SPAG16: variants seen among roughly 807,000 people sequenced by gnomAD.
SPAG16 encodes the protein sperm associated antigen 16, also known as sperm-associated antigen 16 protein.
Under a neutral mutation model 80.4 loss-of-function variants are expected in SPAG16, and 86 were observed. That is an observed-to-expected ratio of 1.07 (90% CI 0.90 to 1.28). The LOEUF (loss-of-function observed/expected upper bound fraction) is 1.28, where lower values mean the gene tolerates loss of function less well. SPAG16 is among the 50% of genes most tolerant of loss of function. The pLI, the probability that SPAG16 is intolerant of heterozygous loss-of-function variation, is 0.00. For missense variants in SPAG16, 870 were observed against 765.3 expected, an observed-to-expected ratio of 1.14 and a Z score of -1.61; for synonymous variants, 294 against 265.9, an observed-to-expected ratio of 1.11 and a Z score of -1.03.
chr2:213,362,616 C>G (rs180892654), intron 7 of SPAG16, among the ~76,000 whole-genome samples: 36 of 152,246 alleles, frequency 2.4e-4, no homozygotes, highest in Non-Finnish European at 4.6e-4. Context: ...GATCTTCTTG[C>G]AAATCCATAA....
chr2:213,450,951 T>A (rs2071648437), intron 9 of SPAG16, among the ~76,000 whole-genome samples: 1 of 152,170 alleles, frequency 6.6e-6, no homozygotes, highest in Non-Finnish European at 1.5e-5. Flanking sequence ...TGTTTTGGAA[T>A]TAATTAAAAC....
At chr2:214,356,212 GA>G (rs1012677416) in intron 15 of SPAG16, among the ~76,000 whole-genome samples, 3 of 149,654 alleles carry the variant, frequency 2.0e-5, no homozygotes, top group Admixed American at 6.7e-5. Flanking sequence ...TAAAAAATGA[GA>G]AAAAAATAAA....
rs367605793 is a variant in SPAG16 at position 213,931,155 on chromosome 2, T to C, written c.1400+1010T>C. ...TATTCAGTTTTTACCATCCTGCATG[T>C]GAAATTATTATTGTTACAATGATAG... On this transcript the variant is annotated intron_variant, in intron 12 of 15. Coordinates refer to ENST00000331683, the MANE Select transcript of SPAG16 (RefSeq NM_024532.5). Among the ~76,000 whole-genome samples, 21 of 152,338 alleles carry C rather than the reference T, an allele frequency of 1.4e-4. No homozygotes were observed. The East Asian group carries it at 3.3e-3, about 24-fold the overall frequency.
intron 5 of SPAG16, among the ~76,000 whole-genome samples, chr2:213,327,846 T>C (rs1247794666): frequency 6.6e-6 from 1 of 152,150 alleles, no homozygotes; most frequent in Non-Finnish European, 1.5e-5. Context: ...TGTTTTACTA[T>C]ACTGAATAGC....
intron 10 of SPAG16, among the ~76,000 whole-genome samples, chr2:213,759,479 C>A (rs1352624479): frequency 6.6e-6 from 1 of 151,308 alleles, no homozygotes. Context: ...TTTGTGACAT[C>A]AAAAATTGAG....
chr2:213,841,947 GAT>G (rs1293076647), intron 10 of SPAG16, among the ~76,000 whole-genome samples: 2 of 152,030 alleles, frequency 1.3e-5, no homozygotes, highest in African/African-American at 4.8e-5. Flanking sequence ...AATGAGATAG[GAT>G]ATATCTAGGG....
intron 9 of SPAG16, among the ~76,000 whole-genome samples, chr2:213,482,082 C>T (rs1253556358): frequency 6.6e-6 from 1 of 152,180 alleles, no homozygotes; most frequent in African/African-American, 2.4e-5. Flanking sequence ...TGCACAAAAA[C>T]CCAACTCAAA....
intron 15 of SPAG16, among the ~76,000 whole-genome samples, chr2:214,314,976 G>T (rs963028347): frequency 5.3e-5 from 8 of 151,834 alleles, no homozygotes. Flanking sequence ...AAAAAAGAAG[G>T]AATTGGAAAA....
intron 9 of SPAG16, among the ~76,000 whole-genome samples, chr2:213,448,795 C>T (rs1264182061): frequency 1.3e-5 from 2 of 152,114 alleles, no homozygotes; most frequent in African/African-American, 4.8e-5. Context: ...TGTACATCAC[C>T]TCAGGACCAC....
intron 15 of SPAG16, among the ~76,000 whole-genome samples, chr2:214,256,082 G>T (rs1299411960): frequency 6.6e-6 from 1 of 151,854 alleles, no homozygotes; most frequent in Non-Finnish European, 1.5e-5. Flanking sequence ...ATTTGTAGAA[G>T]TTTCAGTTCC....
chr2:213,891,539 G>T (rs189052668), intron 11 of SPAG16, among the ~76,000 whole-genome samples: 24 of 152,132 alleles, frequency 1.6e-4, no homozygotes, highest in African/African-American at 5.8e-4. Flanking sequence ...GAATGTCTTA[G>T]CTGGTATTCA....
At chr2:214,155,403 C>A (rs1183670347) in intron 15 of SPAG16, among the ~76,000 whole-genome samples, 1 of 152,190 alleles carries the variant, frequency 6.6e-6, no homozygotes. Flanking sequence ...TGGAACACAA[C>A]CTCGCTTATT....
At chr2:213,750,856 A>G (rs2068046682) in intron 10 of SPAG16, among the ~76,000 whole-genome samples, 1 of 152,190 alleles carries the variant, frequency 6.6e-6, no homozygotes, top group Admixed American at 6.5e-5. Flanking sequence ...GCTTCCCTTA[A>G]TATGGGTTGC....
rs1559529421 is a variant in SPAG16, at chr2:213,860,449, GT to G, written c.1071-2035del. On this transcript the variant is annotated intron_variant, in intron 10 of 15. Coordinates refer to ENST00000331683, the MANE Select transcript of SPAG16 (RefSeq NM_024532.5). ...TATATCTATATATTTATAGATATAT[GT>G]ATATATATACAGATATATCTATCTA... 1.7e-5 allele frequency among the ~76,000 whole-genome samples: 2 copies of G among 119,290 alleles called. 1 individual carries two copies. The highest frequency in any genetic ancestry group is 3.6e-5 in the Non-Finnish European group (2 of 55,288). 78.3% of individuals were successfully genotyped at this position (119,290 alleles called of 152,430 possible). A position where few individuals can be genotyped will look rare whatever the true frequency, so the allele number is the denominator to read the frequency against.
rs535725025 is a variant in SPAG16, at chr2:213,502,321, C to T, written c.1070+12231C>T. The stretch of plus-strand genomic sequence containing the variant: ...TTTTTTCTGTAGAGATGGGGTCTTG[C>T]CATGTTTCCCAGGCTGATCTTAAAT... On this transcript the variant is annotated intron_variant, in intron 10 of 15. Transcript: ENST00000331683. Among the ~76,000 whole-genome samples, 7 of 152,070 alleles carry T rather than the reference C, an allele frequency of 4.6e-5. No homozygotes were observed. The South Asian group carries it at 1.5e-3, about 32-fold the overall frequency.
At chr2:213,583,740 T>C (rs1027253981) in intron 10 of SPAG16, among the ~76,000 whole-genome samples, 1 of 152,198 alleles carries the variant, frequency 6.6e-6, no homozygotes, top group Admixed American at 6.5e-5. Context: ...TTTTCTCCCA[T>C]ATTTGATCTT....
intron 10 of SPAG16, among the ~76,000 whole-genome samples, chr2:213,779,778 A>T (rs923763568): frequency 4.6e-5 from 7 of 152,192 alleles, no homozygotes; most frequent in African/African-American, 1.7e-4. Flanking sequence ...ACATCTCCTG[A>T]ATCATAACGA....
intron 10 of SPAG16, among the ~76,000 whole-genome samples, chr2:213,579,384 A>G (rs78370262): frequency 0.015 from 2,291 of 152,208 alleles, 29 homozygotes; most frequent in South Asian, 0.052. Flanking sequence ...GTAGCAAGAA[A>G]CTTTCTCTCC....
rs1048264333 is a variant in SPAG16 at position 213,965,333 on chromosome 2, C to T, written c.1400+35188C>T. Among the ~76,000 whole-genome samples the T allele has an allele frequency of 9.9e-5, 15 of 152,160 alleles. 1 individual carries two copies. The highest frequency in any genetic ancestry group is 1.7e-4 in the African/African-American group (7 of 41,448). ...TGGGTTTATCAGGATGCAACCTCAT[C>T]GTAAGTCGAGAAGCATCTGTATTTC... On this transcript the variant is annotated intron_variant, in intron 12 of 15. Coordinates refer to ENST00000331683, the MANE Select transcript of SPAG16 (RefSeq NM_024532.5).
Sources: allele counts gnomAD v4.1 joint callset (sites outside exome capture counted in the v4.1 genomes callset), GRCh38; gene constraint gnomAD v4.1.1; transcripts MANE v1.5; gene names NCBI Gene and HGNC (gene_info 2026-07-23, HGNC 2026-07-21).